Variants in GPC6 observed in about 807,000 individuals in gnomAD.
GPC6 encodes the protein glypican-6.
Under a neutral mutation model 55.2 loss-of-function variants are expected in GPC6, and 14 were observed. The observed-to-expected ratio is 0.25, with a 90% CI of 0.17 to 0.40. The LOEUF (loss-of-function observed/expected upper bound fraction) is 0.40. Ranked by LOEUF, GPC6 falls within the 10% of genes least tolerant of loss-of-function variation. GPC6 has a pLI of 1.00. For missense variants in GPC6, 641 were observed against 708.5 expected, an observed-to-expected ratio of 0.90 and a Z score of 1.08; for synonymous variants, 278 against 259.6, an observed-to-expected ratio of 1.07 and a Z score of -0.68.
At chr13:93,501,044 C>G (rs2590515) in intron 1 of GPC6, among the ~76,000 whole-genome samples, 16,667 of 152,016 alleles carry the variant, frequency 0.11, 1,333 homozygotes, top group East Asian at 0.47. Context: ...TATCCACACA[C>G]GAGAACTTTA....
intron 3 of GPC6, among the ~76,000 whole-genome samples, chr13:93,866,849 C>T (rs1160256914): frequency 6.6e-6 from 1 of 151,744 alleles, no homozygotes; most frequent in Non-Finnish European, 1.5e-5. Flanking sequence ...CAAACCTGCA[C>T]ATGTACCCCT....
intron 3 of GPC6, among the ~76,000 whole-genome samples, chr13:94,024,114 C>T (rs1043053533): frequency 2.0e-5 from 3 of 151,596 alleles, no homozygotes; most frequent in Non-Finnish European, 4.4e-5. Context: ...CACACACACA[C>T]ACACACACAC....
At chr13:93,239,654 T>A (rs1213588204) in intron 1 of GPC6, among the ~76,000 whole-genome samples, 1 of 151,968 alleles carries the variant, frequency 6.6e-6, no homozygotes, top group African/African-American at 2.4e-5. Flanking sequence ...CTGATATTTG[T>A]TATTTCTTTT....
At chr13:93,654,857 G>A (rs1444007132) in intron 2 of GPC6, among the ~76,000 whole-genome samples, 1 of 141,324 alleles carries the variant, frequency 7.1e-6, no homozygotes, top group Non-Finnish European at 1.5e-5. Context: ...TTTTTTTTGA[G>A]ATGGAGTCTC....
intron 1 of GPC6, among the ~76,000 whole-genome samples, chr13:93,359,792 C>T (rs1169280063): frequency 7.9e-5 from 12 of 152,238 alleles, no homozygotes; most frequent in Admixed American, 7.9e-4. Context: ...AAACATAGAG[C>T]ATGTGGATCT....
At chr13:93,959,398 G>T (rs1879664460) in intron 3 of GPC6, among the ~76,000 whole-genome samples, 1 of 152,108 alleles carries the variant, frequency 6.6e-6, no homozygotes, top group Non-Finnish European at 1.5e-5. Context: ...CCTCACCTCA[G>T]GTGATCTGCC....
Position 94,309,663 on chromosome 13 carries a change from A to G in GPC6, c.1152+3540A>G, listed in dbSNP as rs115706655. The stretch of plus-strand genomic sequence containing the variant: ...CCTAAAGTGGTTTGTGTTATCCAAG[A>G]ATGAGTGAATGTATTTTTATAAATT... On this transcript the variant is annotated intron_variant, in intron 6 of 8. Transcript: ENST00000377047. Among the ~76,000 whole-genome samples the G allele has an allele frequency of 3.6e-3, 541 of 152,314 alleles. 7 individuals carry two copies. The highest frequency in any genetic ancestry group is 0.012 in the African/African-American group (507 of 41,562).
chr13:94,077,805 TC>T (rs1420297884), intron 4 of GPC6, among the ~76,000 whole-genome samples: 1 of 151,914 alleles, frequency 6.6e-6, no homozygotes, highest in Non-Finnish European at 1.5e-5. Context: ...CATCCTTGCA[TC>T]CCAGGGATAA....
At chr13:94,074,431 C>T (rs1884839626) in intron 4 of GPC6, among the ~76,000 whole-genome samples, 1 of 152,170 alleles carries the variant, frequency 6.6e-6, no homozygotes, top group South Asian at 2.1e-4. Flanking sequence ...ATTTAAACTA[C>T]TTGAACCCCT....
At chr13:93,490,607 G>T (rs1405619942) in intron 1 of GPC6, among the ~76,000 whole-genome samples, 5 of 129,996 alleles carry the variant, frequency 3.8e-5, no homozygotes, top group Non-Finnish European at 6.3e-5. Context: ...CCATGCTGGT[G>T]CGCTGCACCC....
intron 2 of GPC6, among the ~76,000 whole-genome samples, chr13:93,696,616 T>TG (rs1882465050): frequency 6.8e-6 from 1 of 146,322 alleles, no homozygotes; most frequent in Non-Finnish European, 1.5e-5. Context: ...CTCCATAAAT[T>TG]TTTTTTTTTT....
intron 4 of GPC6, among the ~76,000 whole-genome samples, chr13:94,052,809 T>C (rs769799530): frequency 1.3e-5 from 2 of 152,078 alleles, no homozygotes; most frequent in Non-Finnish European, 1.5e-5. Flanking sequence ...AGCCCCTTAT[T>C]AAAGGTCCTC....
At chr13:94,107,024 G>C (rs1216752077) in intron 4 of GPC6, among the ~76,000 whole-genome samples, 1 of 152,158 alleles carries the variant, frequency 6.6e-6, no homozygotes, top group Admixed American at 6.5e-5. Flanking sequence ...AGGGTGAGGA[G>C]TTGGCAAGAC....
At chr13:94,261,498 G>C (rs1049790241) in intron 4 of GPC6, among the ~76,000 whole-genome samples, 3 of 152,194 alleles carry the variant, frequency 2.0e-5, no homozygotes, top group Non-Finnish European at 4.4e-5. Context: ...TAGTGTTTAC[G>C]TGTGAGGTCA....
At chr13:93,945,804 T>C (rs1000884868) in intron 3 of GPC6, among the ~76,000 whole-genome samples, 2 of 152,196 alleles carry the variant, frequency 1.3e-5, no homozygotes, top group Non-Finnish European at 2.9e-5. Context: ...CTGTCTGTGG[T>C]TGTAATTGAC....
intron 3 of GPC6, among the ~76,000 whole-genome samples, chr13:93,965,933 G>A (rs1465949876): frequency 6.6e-6 from 1 of 152,110 alleles, no homozygotes; most frequent in Non-Finnish European, 1.5e-5. Context: ...TGAAAAATCA[G>A]ATCCAGCCTG....
At chr13:93,376,590 C>G (rs1874907854) in intron 1 of GPC6, among the ~76,000 whole-genome samples, 1 of 152,120 alleles carries the variant, frequency 6.6e-6, no homozygotes, top group African/African-American at 2.4e-5. Context: ...GTAAGACAGA[C>G]AAGGCTTGAA....
chr13:93,475,159 TACAC>T (rs35324469), intron 1 of GPC6, among the ~76,000 whole-genome samples: 1 of 149,526 alleles, frequency 6.7e-6, no homozygotes, highest in East Asian at 2.0e-4. Context: ...AATAAATAAA[TACAC>T]ACACACACAC....
intron 1 of GPC6, among the ~76,000 whole-genome samples, chr13:93,518,539 T>C (rs1881293166): frequency 6.6e-6 from 1 of 152,008 alleles, no homozygotes; most frequent in Non-Finnish European, 1.5e-5. Flanking sequence ...TATGTATAAA[T>C]TGAACATTTC....
Sources: allele counts gnomAD v4.1 joint callset (sites outside exome capture counted in the v4.1 genomes callset), GRCh38; gene constraint gnomAD v4.1.1; transcripts MANE v1.5; gene names NCBI Gene and HGNC (gene_info 2026-07-23, HGNC 2026-07-21).